GLB1L2: variants seen among roughly 807,000 people sequenced by gnomAD.
GLB1L2 encodes the protein beta-galactosidase-1-like protein 2.
A neutral mutation model predicts 84.1 loss-of-function variants in GLB1L2; 68 were observed. That is an observed-to-expected ratio of 0.81 (90% CI 0.67 to 0.99). The LOEUF (loss-of-function observed/expected upper bound fraction) is 0.99. GLB1L2 is among the 50% of genes least tolerant of loss of function. GLB1L2 has a pLI of 0.00. For missense variants in GLB1L2, 762 were observed against 805.6 expected, an observed-to-expected ratio of 0.95 and a Z score of 0.66; for synonymous variants, 290 against 318.0, an observed-to-expected ratio of 0.91 and a Z score of 0.94.
At chr11:134,362,334 C>T (rs576493593) in intron 7 of GLB1L2, among the ~76,000 whole-genome samples, 3 of 83,050 alleles carry the variant, frequency 3.6e-5, no homozygotes, top group African/African-American at 1.1e-4. Context: ...CGGCGCTGCC[C>T]GCGTTCCTTC....
rs1479403143 is a variant in GLB1L2 at position 134,334,893 on chromosome 11, G to GA, written c.86+2748dup. The stretch of plus-strand genomic sequence containing the variant: ...TCCTATTCGCACTCCATGAACACAA[G>GA]AATGCCTGCTTGATATTATCTAAAG... On this transcript the variant is annotated intron_variant, in intron 1 of 18. Coordinates refer to ENST00000535456, the MANE Select transcript of GLB1L2 (RefSeq NM_001370461.1). The surrounding 1 kb of genome is among the most constrained non-coding windows in gnomAD (Gnocchi z 4.1). Among the ~76,000 whole-genome samples the GA allele has an allele frequency of 2.0e-5, 3 of 152,086 alleles. No individual in the cohort carries two copies. The highest frequency in any genetic ancestry group is 4.4e-5 in the Non-Finnish European group (3 of 68,022).
At chr11:134,347,685 C>A (rs1049149554) in intron 5 of GLB1L2, among the ~76,000 whole-genome samples, 22 of 152,196 alleles carry the variant, frequency 1.4e-4, no homozygotes, top group African/African-American at 5.1e-4. Context: ...TTGCCACATA[C>A]AGCACTGGAG....
intron 4 of GLB1L2, 88 bp downstream of exon 4, chr11:134,345,217 C>T: frequency 8.2e-7 from 1 of 1,213,646 alleles, no homozygotes; most frequent in East Asian, 5.6e-5. Flanking sequence ...AGTTCCCATT[C>T]TGTACTGAAT....
chr11:134,375,087 G>A lies in GLB1L2; in HGVS notation c.*29G>A. 6.3e-7 allele frequency: 1 copy of A among 1,582,224 alleles called. No homozygotes were observed. Among genetic ancestry groups the A allele is most frequent in the Non-Finnish European group, 8.7e-7 (1 of 1,154,598 alleles). On this transcript the variant is annotated 3_prime_UTR_variant, in exon 19 of 19. Coordinates refer to ENST00000535456, the MANE Select transcript of GLB1L2 (RefSeq NM_001370461.1). ...GTGGCACCCCCTCCTGCTGGTGCCA[G>A]TGGGAGACTGCCGCCTCCTCTTGAC... is the stretch of plus-strand genomic sequence containing the variant.
chr11:134,343,493 C>T (rs181408149), intron 2 of GLB1L2, among the ~76,000 whole-genome samples: 56 of 152,236 alleles, frequency 3.7e-4, no homozygotes, highest in African/African-American at 1.2e-3. Context: ...GGGTTTTCCC[C>T]CCAAATTGCC....
intron 14 of GLB1L2, 86 bp from the exon 15 acceptor site, chr11:134,371,666 G>A (rs769077407): frequency 1.1e-4 from 141 of 1,321,594 alleles, no homozygotes; most frequent in Middle Eastern, 2.2e-4. Context: ...TCCCCAGAGC[G>A]TAGGGAAGAA....
intron 7 of GLB1L2, 28 bp downstream of exon 7, chr11:134,359,169 G>T: frequency 6.6e-7 from 1 of 1,518,732 alleles, no homozygotes; most frequent in South Asian, 1.2e-5. Context: ...GGGCCGTGGG[G>T]GCTGGCGGCG....
chr11:134,336,166 T>A (rs889045444), intron 1 of GLB1L2, among the ~76,000 whole-genome samples: 1 of 152,234 alleles, frequency 6.6e-6, no homozygotes, highest in Admixed American at 6.5e-5. Context: ...CAGCTTCTGT[T>A]CTTTGACACT....
intron 8 of GLB1L2, 120 bp downstream of exon 8, chr11:134,364,518 T>C (rs1943839888): frequency 1.3e-6 from 1 of 765,488 alleles, no homozygotes; most frequent in Non-Finnish European, 2.2e-6. Context: ...GCTGATGGCC[T>C]CTGGCCCCCC....
chr11:134,353,104 T>A (rs1943655623), intron 5 of GLB1L2, among the ~76,000 whole-genome samples: 2 of 152,234 alleles, frequency 1.3e-5, no homozygotes, highest in African/African-American at 4.8e-5. Flanking sequence ...AGATTTCAAT[T>A]TTTTAAATTT....
chr11:134,369,943 C>A, intron 11 of GLB1L2, 58 bp downstream of exon 11: 3 of 1,437,252 alleles, frequency 2.1e-6, no homozygotes, highest in Non-Finnish European at 2.9e-6. Context: ...TGCTCTCAGA[C>A]CCCTAAAGAG....
intron 5 of GLB1L2, among the ~76,000 whole-genome samples, chr11:134,351,223 T>G (rs956369215): frequency 6.6e-6 from 1 of 150,620 alleles, no homozygotes; most frequent in Non-Finnish European, 1.5e-5. Context: ...TGACTGAGTG[T>G]TTTTTATCAT....
rs77130779 is a variant in GLB1L2, at chr11:134,356,370, G to A, written c.628G>A (p.Ala210Thr). Reference sequence around the variant, plus strand: ...ATATGGTTCCTATAATAAAGACCCCGCATACATGCCCTACGTCAAGAAGGT... The same window carrying A: ...ATATGGTTCCTATAATAAAGACCCCACATACATGCCCTACGTCAAGAAGGT... Reference protein sequence around the residue: ...NEYGSYNKDPAYMPYVKKALE... With the variant: ...NEYGSYNKDPTYMPYVKKALE... The change falls in exon 6 of 19, where the codon GCA (alanine) becomes ACA (threonine). Residue 210 changes from alanine to threonine, a missense_variant. Physicochemically the swap from Ala to Thr is moderately conservative, Grantham distance 58 (BLOSUM62 0). Around this residue, in one of 3 missense-constraint regions of GLB1L2, gnomAD observed 603 missense variants for 611.7 expected, o/e 0.99. Transcript: ENST00000535456. 492 of 1,613,100 alleles carry A rather than the reference G, an allele frequency of 3.1e-4. 1 individual carries two copies. The East Asian group carries it at 3.8e-3, about 13-fold the overall frequency.
At chr11:134,356,470 C>G in intron 6 of GLB1L2, 77 bp downstream of exon 6, 1 of 995,802 alleles carries the variant, frequency 1.0e-6, no homozygotes, top group Non-Finnish European at 1.6e-6. Flanking sequence ...ACATGTGGGT[C>G]TAATATTTTT....
rs749361749 is a variant in GLB1L2, at chr11:134,338,807, C to T, written c.87-3947C>T. Among the ~76,000 whole-genome samples the T allele has an allele frequency of 3.9e-5, 6 of 152,134 alleles. No individual in the cohort carries two copies. Among genetic ancestry groups the T allele is most frequent in the Admixed American group, 1.3e-4 (2 of 15,278 alleles). On this transcript the variant is annotated intron_variant, in intron 1 of 18. Coordinates refer to ENST00000535456, the MANE Select transcript of GLB1L2 (RefSeq NM_001370461.1). This position sits in a 1 kb window ranked among gnomAD's most constrained non-coding sequence, Gnocchi z 6.2. ...TGTAGAGGTCTTGTTAGGTTGTGCGCGGCCCCATCAGAAGTCCTGATGTGC... is the reference window on the plus strand; with the variant it reads ...TGTAGAGGTCTTGTTAGGTTGTGCGTGGCCCCATCAGAAGTCCTGATGTGC...
Position 134,375,307 on chromosome 11 carries a change from C to T in GLB1L2, c.*249C>T, listed in dbSNP as rs973941646. On this transcript the variant is annotated 3_prime_UTR_variant, in exon 19 of 19. Transcript: ENST00000535456. Reference sequence around the variant, plus strand: ...AGCCCTGCTCTTGTGCCGAGGCTGTCGGGCTGTCTCTAGGGTGGGAGCAGC... The same window carrying T: ...AGCCCTGCTCTTGTGCCGAGGCTGTTGGGCTGTCTCTAGGGTGGGAGCAGC... 9.6e-5 allele frequency: 45 copies of T among 470,778 alleles called. No homozygotes were observed. The highest frequency in any genetic ancestry group is 1.4e-4 in the Non-Finnish European group (37 of 266,108). The allele number at this position is 470,778 out of a possible 1,614,324, so 29.2% of individuals were successfully genotyped here. A position where few individuals can be genotyped will look rare whatever the true frequency, so the allele number is the denominator to read the frequency against.
rs942251306 is a variant in GLB1L2, at chr11:134,370,194, C to T, written c.1109-99C>T. 2 of 989,458 alleles carry T rather than the reference C, an allele frequency of 2.0e-6. No individual in the cohort carries two copies. Among genetic ancestry groups the T allele is most frequent in the African/African-American group, 3.2e-5 (2 of 63,194 alleles). 61.3% of individuals were successfully genotyped at this position (989,458 alleles called of 1,614,324 possible). ...TGTTGTTCCTCTTGGTGCTGGGACG[C>T]AGGAGCACATCGGGTCTGTGGATGG... On this transcript the variant is annotated intron_variant, in intron 11 of 18. Coordinates refer to ENST00000535456, the MANE Select transcript of GLB1L2 (RefSeq NM_001370461.1). The surrounding 1 kb of genome is among the most constrained non-coding windows in gnomAD (Gnocchi z 4.7).
At chr11:134,369,969 C>T (rs1943924873) in intron 11 of GLB1L2, 84 bp downstream of exon 11, 6 of 1,086,702 alleles carry the variant, frequency 5.5e-6, no homozygotes, top group African/African-American at 1.6e-5. Flanking sequence ...TCCTTACTGT[C>T]CCACCTCGAC....
At chr11:134,372,943 A>G (rs1351329589) in intron 15 of GLB1L2, among the ~76,000 whole-genome samples, 1 of 152,116 alleles carries the variant, frequency 6.6e-6, no homozygotes, top group Non-Finnish European at 1.5e-5. Context: ...CAGCCTGACC[A>G]TTGTTCCTAA....
Sources: allele counts gnomAD v4.1 joint callset (sites outside exome capture counted in the v4.1 genomes callset), GRCh38; gene constraint gnomAD v4.1.1; regional missense constraint gnomAD v4.1.1; non-coding constraint Gnocchi (gnomAD v3.1); transcripts MANE v1.5; gene names NCBI Gene and HGNC (gene_info 2026-07-23, HGNC 2026-07-21).